Variants in RBFOX1 observed in about 807,000 individuals in gnomAD.
The protein encoded by RBFOX1 is RNA binding protein fox-1 homolog 1.
In RBFOX1, 8 loss-of-function variants were observed where a neutral mutation model predicts 57.7. The observed-to-expected ratio is 0.14, with a 90% confidence interval of 0.08 to 0.25. The LOEUF (loss-of-function observed/expected upper bound fraction) is 0.25, where lower values mean the gene tolerates loss of function less well. Among genes scored for constraint, RBFOX1 ranks in the 10% least tolerant of loss-of-function variants. The pLI, the probability that RBFOX1 is intolerant of heterozygous loss-of-function variation, is 1.00. For missense variants in RBFOX1, 611 were observed against 548.5 expected, an observed-to-expected ratio of 1.11 and a Z score of -1.14; for synonymous variants, 326 against 222.4, an observed-to-expected ratio of 1.47 and a Z score of -4.15.
At chr16:6,803,077 T>A (rs1037388420) in intron 3 of RBFOX1, among the ~76,000 whole-genome samples, 2 of 152,170 alleles carry the variant, frequency 1.3e-5, no homozygotes, top group African/African-American at 2.4e-5. Flanking sequence ...TGTGTGTGTG[T>A]TTAATTTCCC....
intron 11 of RBFOX1, among the ~76,000 whole-genome samples, chr16:7,642,317 CT>C (rs893633772): frequency 2.0e-5 from 3 of 152,092 alleles, no homozygotes; most frequent in South Asian, 2.1e-4. Flanking sequence ...GATCAGGACT[CT>C]TTTTTTTAAG....
intron 4 of RBFOX1, among the ~76,000 whole-genome samples, chr16:7,055,191 T>A (rs185141497): frequency 6.6e-6 from 1 of 152,128 alleles, no homozygotes; most frequent in African/African-American, 2.4e-5. Flanking sequence ...TTTGCAAAAA[T>A]GAAATACAAA....
At chr16:6,571,965 C>T (rs189686360) in intron 2 of RBFOX1, among the ~76,000 whole-genome samples, 1 of 152,184 alleles carries the variant, frequency 6.6e-6, no homozygotes, top group East Asian at 1.9e-4. Flanking sequence ...TACTCCTTGC[C>T]TGTGTTAACA....
chr16:7,521,887 G>C (rs2077580332), intron 5 of RBFOX1, among the ~76,000 whole-genome samples: 1 of 152,174 alleles, frequency 6.6e-6, no homozygotes, highest in Admixed American at 6.5e-5. Context: ...CTTCTAATGG[G>C]AAACCATCCT....
At chr16:7,415,851 C>T (rs1269657232) in intron 4 of RBFOX1, among the ~76,000 whole-genome samples, 1 of 152,156 alleles carries the variant, frequency 6.6e-6, no homozygotes, top group Non-Finnish European at 1.5e-5. Flanking sequence ...GCATCCTCTC[C>T]CGGGAAGATG....
At chr16:5,779,329 C>G (rs1283315469) in intron 3 of RBFOX1, among the ~76,000 whole-genome samples, 2 of 152,298 alleles carry the variant, frequency 1.3e-5, no homozygotes, top group South Asian at 2.1e-4. Flanking sequence ...AATTTCCAAA[C>G]TTGATCTCTG....
chr16:6,648,589 C>G (rs2098552325), intron 2 of RBFOX1, among the ~76,000 whole-genome samples: 1 of 152,174 alleles, frequency 6.6e-6, no homozygotes, highest in Admixed American at 6.5e-5. Flanking sequence ...CAGTCCACTG[C>G]CACATCCCCT....
chr16:5,405,023 G>T (rs1021780176), intron 1 of RBFOX1, among the ~76,000 whole-genome samples: 1 of 152,178 alleles, frequency 6.6e-6, no homozygotes, highest in African/African-American at 2.4e-5. Context: ...CATTCTGTGA[G>T]TTAGGTACTG....
intron 3 of RBFOX1, among the ~76,000 whole-genome samples, chr16:5,767,605 C>T (rs1183157616): frequency 3.9e-5 from 6 of 152,210 alleles, no homozygotes; most frequent in Non-Finnish European, 4.4e-5. Context: ...TTTTGTCACA[C>T]GCCTTCCAAG....
chr16:6,641,916 C>A (rs1179836313), intron 2 of RBFOX1, among the ~76,000 whole-genome samples: 6 of 152,142 alleles, frequency 3.9e-5, no homozygotes, highest in African/African-American at 9.7e-5. Flanking sequence ...CCAGTTAGGG[C>A]TTCTTCCAGC....
At chr16:7,186,514 ATATT>A (rs1231900257) in intron 4 of RBFOX1, among the ~76,000 whole-genome samples, 1 of 130,522 alleles carries the variant, frequency 7.7e-6, no homozygotes, top group Non-Finnish European at 1.6e-5. Flanking sequence ...AAGCATAAAC[ATATT>A]TATATAAATA....
chr16:6,244,051 C>T (rs2152931098), intron 1 of RBFOX1, among the ~76,000 whole-genome samples: 1 of 152,278 alleles, frequency 6.6e-6, no homozygotes, highest in Non-Finnish European at 1.5e-5. Flanking sequence ...AGTCTTCTCT[C>T]ATTTAGGGAG....
chr16:6,534,061 A>G (rs1327719905), intron 2 of RBFOX1, among the ~76,000 whole-genome samples: 1 of 152,174 alleles, frequency 6.6e-6, no homozygotes, highest in African/African-American at 2.4e-5. Context: ...TATCAAGAGA[A>G]ATGAAAACAT....
At chr16:7,384,586 A>C (rs1477642285) in intron 4 of RBFOX1, among the ~76,000 whole-genome samples, 3 of 151,996 alleles carry the variant, frequency 2.0e-5, no homozygotes, top group Non-Finnish European at 4.4e-5. Context: ...TCCCATGGGG[A>C]AATAGGAGGG....
chr16:5,691,912 C>G (rs1333667284), intron 3 of RBFOX1, among the ~76,000 whole-genome samples: 2 of 152,244 alleles, frequency 1.3e-5, no homozygotes, highest in Non-Finnish European at 2.9e-5. Flanking sequence ...CTCTCCTATA[C>G]TGCCTTCCTC....
intron 4 of RBFOX1, among the ~76,000 whole-genome samples, chr16:5,919,067 G>A (rs2152224635): frequency 6.6e-6 from 1 of 152,286 alleles, no homozygotes; most frequent in South Asian, 2.1e-4. Flanking sequence ...GTGTCTGAGA[G>A]CTGAGGCAGT....
At chr16:5,390,221 T>G (rs1334220147) in intron 1 of RBFOX1, among the ~76,000 whole-genome samples, 1 of 152,050 alleles carries the variant, frequency 6.6e-6, no homozygotes, top group African/African-American at 2.4e-5. Flanking sequence ...GTTTATATGA[T>G]ATGCTATTTT....
At chr16:7,014,295 G>A (rs1267421569) in intron 3 of RBFOX1, among the ~76,000 whole-genome samples, 19 of 151,562 alleles carry the variant, frequency 1.3e-4, no homozygotes, top group African/African-American at 4.6e-4. Context: ...TCACTACAAT[G>A]TTAGCCTCCT....
intron 3 of RBFOX1, among the ~76,000 whole-genome samples, chr16:6,749,326 C>T (rs534757673): frequency 9.2e-5 from 14 of 152,266 alleles, no homozygotes; most frequent in East Asian, 3.9e-4. Flanking sequence ...GCACACAGGA[C>T]GCATTCCACA....
Sources: gnomAD v4.1 joint callset for allele counts (sites outside exome capture counted in the v4.1 genomes callset) on GRCh38, gnomAD v4.1.1 for gene constraint, MANE v1.5 for transcripts, NCBI Gene and HGNC (gene_info 2026-07-23, HGNC 2026-07-21) for gene names.